The following DCC variants were observed in gnomAD, a reference collection of about 807,000 sequenced individuals.
DCC encodes netrin receptor DCC.
In DCC, 58 loss-of-function variants were observed where a neutral mutation model predicts 172.5. The observed-to-expected ratio is 0.34, with a 90% CI of 0.27 to 0.42. The LOEUF is 0.42. Among genes scored for constraint, DCC ranks in the 10% least tolerant of loss-of-function variants. The probability of loss-of-function intolerance (pLI) is 1.00; values close to 1 mark genes in which losing one functional copy is unlikely to be tolerated. For synonymous variants in DCC, 709 were observed against 644.5 expected (o/e 1.10, Z -1.52); for missense variants, 1,740 against 1,791.0 (o/e 0.97, Z 0.51).
At chr18:52,367,929 G>C (rs1468325768) in intron 1 of DCC, among the ~76,000 whole-genome samples, 4 of 152,202 alleles carry the variant, frequency 2.6e-5, no homozygotes, top group Non-Finnish European at 5.9e-5. Context: ...GAAAGGCTTT[G>C]TACCTGCTTC....
chr18:52,668,831 C>T (rs2035501899), intron 1 of DCC, among the ~76,000 whole-genome samples: 1 of 152,198 alleles, frequency 6.6e-6, no homozygotes, highest in Non-Finnish European at 1.5e-5. Flanking sequence ...TATAGAGCTT[C>T]AACAAATTAT....
At chr18:53,280,082 C>T (rs1051945544) in intron 12 of DCC, among the ~76,000 whole-genome samples, 12 of 152,052 alleles carry the variant, frequency 7.9e-5, no homozygotes, top group Non-Finnish European at 1.6e-4. Context: ...ACCCATGAAC[C>T]TAAAACAAAA....
At chr18:52,368,816 T>G (rs1356412563) in intron 1 of DCC, among the ~76,000 whole-genome samples, 1 of 152,188 alleles carries the variant, frequency 6.6e-6, no homozygotes, top group Non-Finnish European at 1.5e-5. Context: ...GCCCAGACAT[T>G]ATACCTTGCA....
intron 1 of DCC, among the ~76,000 whole-genome samples, chr18:52,576,016 G>A (rs2033401606): frequency 6.6e-6 from 1 of 152,194 alleles, no homozygotes; most frequent in Non-Finnish European, 1.5e-5. Flanking sequence ...ATCCTGAAGA[G>A]GAGATTGTTA....
intron 19 of DCC, among the ~76,000 whole-genome samples, chr18:53,409,988 A>G (rs1442404628): frequency 1.3e-5 from 2 of 152,206 alleles, no homozygotes; most frequent in East Asian, 3.9e-4. Flanking sequence ...TACAGTGATC[A>G]AATATCATTT....
chr18:53,000,030 C>A (rs536050960), intron 5 of DCC, among the ~76,000 whole-genome samples: 129 of 151,936 alleles, frequency 8.5e-4, no homozygotes, highest in Non-Finnish European at 7.4e-4. Flanking sequence ...CAACCACCAC[C>A]AATTAAGAGC....
At chr18:53,049,693 A>G (rs992430145) in intron 5 of DCC, among the ~76,000 whole-genome samples, 2 of 152,010 alleles carry the variant, frequency 1.3e-5, no homozygotes, top group African/African-American at 4.8e-5. Flanking sequence ...GGTTCCATGT[A>G]AATTTTAAAA....
At position 52,736,280 on chromosome 18, in the gene DCC, T is replaced by TAA. The variant is rs11442996; in HGVS notation, c.92-15760_92-15759dup. ...AATCACTCTTAATTTACTGTAAACA[T>TAA]AAAAAAAAAAAAAAACAGAAAAATC... On this transcript the variant is annotated intron_variant, in intron 1 of 28. Coordinates refer to ENST00000442544, the MANE Select transcript of DCC (RefSeq NM_005215.4). Among the ~76,000 whole-genome samples, 591 of 131,804 alleles carry TAA rather than the reference T, an allele frequency of 4.5e-3. 3 individuals carry two copies. The highest frequency in any genetic ancestry group is 0.012 in the Middle Eastern group (3 of 256). The allele number at this position is 131,804 out of a possible 152,430, so 86.5% of individuals were successfully genotyped here.
chr18:53,434,630 T>A (rs752686205), intron 21 of DCC, among the ~76,000 whole-genome samples: 1 of 152,186 alleles, frequency 6.6e-6, no homozygotes, highest in Non-Finnish European at 1.5e-5. Context: ...TTACTTCCAA[T>A]GTGGAATTTC....
chr18:53,047,742 C>T (rs111281278), intron 5 of DCC, among the ~76,000 whole-genome samples: 1,888 of 151,374 alleles, frequency 0.012, 30 homozygotes, highest in African/African-American at 0.042. Context: ...AGGTAACAGA[C>T]GCCTGGAGTC....
intron 3 of DCC, among the ~76,000 whole-genome samples, chr18:52,920,923 A>T (rs1027296875): frequency 6.6e-6 from 1 of 152,188 alleles, no homozygotes; most frequent in Non-Finnish European, 1.5e-5. Flanking sequence ...GCCAGTCTGA[A>T]AAGGCTATGT....
chr18:52,554,374 G>A (rs1394754409), intron 1 of DCC, among the ~76,000 whole-genome samples: 6 of 152,050 alleles, frequency 3.9e-5, no homozygotes, highest in Non-Finnish European at 8.8e-5. Context: ...AGTTGCAGGG[G>A]CTGCACTTGA....
At chr18:52,749,055 C>G (rs2036954157) in intron 1 of DCC, among the ~76,000 whole-genome samples, 1 of 152,086 alleles carries the variant, frequency 6.6e-6, no homozygotes, top group Non-Finnish European at 1.5e-5. Context: ...CAAAAATTAG[C>G]CAGGTGTGGT....
chr18:52,635,639 G>A (rs187456395), intron 1 of DCC, among the ~76,000 whole-genome samples: 255 of 152,210 alleles, frequency 1.7e-3, no homozygotes, highest in African/African-American at 5.9e-3. Flanking sequence ...TAGAACATAA[G>A]AATCGAGTCT....
intron 12 of DCC, among the ~76,000 whole-genome samples, chr18:53,232,946 TCCCCAGG>T (rs1568381160): frequency 7.1e-6 from 1 of 141,796 alleles, no homozygotes. Flanking sequence ...TTTTTTTTTT[TCCCCAGG>T]TATTATTATT....
chr18:52,878,908 G>A (rs1247879406), intron 2 of DCC, among the ~76,000 whole-genome samples: 1 of 152,198 alleles, frequency 6.6e-6, no homozygotes, highest in African/African-American at 2.4e-5. Context: ...TTCCATGGGT[G>A]TAGAACTTCT....
rs2057808915 is a variant in DCC, at chr18:53,351,443, GTATATATATATATACACAGTGTGTATATA to G, written c.2359+11551_2359+11579del. On this transcript the variant is annotated intron_variant, in intron 15 of 28. Coordinates refer to ENST00000442544, the MANE Select transcript of DCC (RefSeq NM_005215.4). ...CACACTGTGTATATATATATACAGT[GTATATATATATATACACAGTGTGTATATA>G]TATATATATATATATATAGTGTGTA... Among the ~76,000 whole-genome samples the G allele has an allele frequency of 1.1e-3, 34 of 31,908 alleles. 5 individuals carry two copies. The highest frequency in any genetic ancestry group is 2.6e-3 in the African/African-American group (20 of 7,698). The allele number at this position is 31,908 out of a possible 152,430, so 20.9% of individuals were successfully genotyped here. A position where few individuals can be genotyped will look rare whatever the true frequency, so the allele number is the denominator to read the frequency against.
chr18:52,724,155 C>T (rs1334267130), intron 1 of DCC, among the ~76,000 whole-genome samples: 2 of 151,990 alleles, frequency 1.3e-5, no homozygotes, highest in Admixed American at 1.3e-4. Flanking sequence ...TCCTCTCATA[C>T]CTTTTTTAAA....
At chr18:53,132,311 G>T (rs1199367081) in intron 7 of DCC, among the ~76,000 whole-genome samples, 1 of 151,978 alleles carries the variant, frequency 6.6e-6, no homozygotes, top group Admixed American at 6.6e-5. Flanking sequence ...CTACTAACTT[G>T]GGGTTATTGA....
Sources: allele counts gnomAD v4.1 joint callset (sites outside exome capture counted in the v4.1 genomes callset), GRCh38; gene constraint gnomAD v4.1.1; transcripts MANE v1.5; gene names NCBI Gene and HGNC (gene_info 2026-07-23, HGNC 2026-07-21).